CFAP74: variants seen among roughly 807,000 people sequenced by gnomAD.
CFAP74 encodes the protein cilia and flagella associated protein 74.
In CFAP74, 124 loss-of-function variants were observed where a neutral mutation model predicts 188.9. That is an observed-to-expected ratio of 0.66 (90% confidence interval 0.57 to 0.76). CFAP74 has a LOEUF of 0.76. CFAP74 is among the 30% of genes least tolerant of loss of function. The pLI is 0.00. For synonymous variants in CFAP74, 956 were observed against 916.7 expected, an observed-to-expected ratio of 1.04 and a Z score of -0.77; for missense variants, 2,198 against 2,165.2, an observed-to-expected ratio of 1.02 and a Z score of -0.30.
In CFAP74 at chr1:1,925,984, C is replaced by G. The variant is rs1016640595; in HGVS notation, c.3949-46G>C. On this transcript the variant is annotated intron_variant, in intron 32 of 38. Transcript: ENST00000682832. ...AGCCAGGAACCGATGTCTGCTGGAG[C>G]CACGAGGGGAGCTCTGCCTCAGGGG... The G allele has an allele frequency of 3.3e-6, 5 of 1,528,180 alleles. No individual in the cohort carries two copies. In the East Asian group the frequency reaches 1.2e-4, roughly 37 times the overall value. The allele number at this position is 1,528,180 out of a possible 1,614,324, so 94.7% of individuals were successfully genotyped here.
rs1370135949 is a variant in CFAP74, at chr1:1,923,675, GTA to G, written c.4389+98_4389+99del. The G allele has an allele frequency of 6.8e-5, 106 of 1,569,100 alleles. No individual in the cohort carries two copies. Among genetic ancestry groups the G allele is most frequent in the Non-Finnish European group, 8.7e-5 (100 of 1,144,416 alleles). The stretch of plus-strand genomic sequence containing the variant: ...TGTGGTGCTGAGTCCCCCAGCCATG[GTA>G]CCCTCAGGGCCTCCAAAGTGGAGCA... On this transcript the variant is annotated intron_variant, in intron 35 of 38. Coordinates refer to ENST00000682832, the MANE Select transcript of CFAP74 (RefSeq NM_001304360.2). The surrounding 1 kb of genome is among the most constrained non-coding windows in gnomAD (Gnocchi z 6.3).
At chr1:1,925,673 C>A in intron 33 of CFAP74, 110 bp downstream of exon 33, 1 of 1,249,194 alleles carries the variant, frequency 8.0e-7, no homozygotes, top group Non-Finnish European at 1.1e-6. Flanking sequence ...ACCTGTGTCC[C>A]CACGGGCTCT....
At chr1:1,945,915 T>G (rs1343098501) in intron 20 of CFAP74, among the ~76,000 whole-genome samples, 1 of 138,472 alleles carries the variant, frequency 7.2e-6, no homozygotes, top group Non-Finnish European at 1.5e-5. Context: ...TGCATGTGTG[T>G]GAGGACTCTG....
At chr1:1,982,175 C>T (rs4648743) in intron 6 of CFAP74, among the ~76,000 whole-genome samples, 5 of 135,910 alleles carry the variant, frequency 3.7e-5, no homozygotes, top group Admixed American at 1.5e-4. Context: ...CACCCAGCCA[C>T]GGACAGACAC....
chr1:1,964,646 C>T (rs1281936948), intron 13 of CFAP74, among the ~76,000 whole-genome samples: 2 of 152,190 alleles, frequency 1.3e-5, no homozygotes, highest in African/African-American at 2.4e-5. Flanking sequence ...AAAAATTAGC[C>T]AGGCGTGGTG....
At chr1:1,935,867 T>TACACACACACACACAC (rs35582265) in intron 25 of CFAP74, among the ~76,000 whole-genome samples, 86 of 147,880 alleles carry the variant, frequency 5.8e-4, no homozygotes, top group African/African-American at 2.0e-3. Flanking sequence ...TTTTCAGCAC[T>TACACACACACACACAC]ACACACACAC....
At chr1:1,962,721 C>CA (rs751211513) in intron 14 of CFAP74, among the ~76,000 whole-genome samples, 85 of 152,034 alleles carry the variant, frequency 5.6e-4, no homozygotes, top group Admixed American at 7.9e-4. Flanking sequence ...CCTGTCTCTA[C>CA]AAAAAATAGA....
At position 1,946,364 on chromosome 1, in the gene CFAP74, C is replaced by T. The variant is rs1028169859; in HGVS notation, c.2317G>A (p.Val773Ile). 14 of 1,536,894 alleles carry T rather than the reference C, an allele frequency of 9.1e-6. No individual in the cohort carries two copies. The highest frequency in any genetic ancestry group is 3.3e-4 in the Middle Eastern group (2 of 5,988). Residue 773 changes from valine to isoleucine, a missense_variant, in exon 20 of 39, where the codon GTC becomes ATC. Coordinates refer to ENST00000682832, the MANE Select transcript of CFAP74 (RefSeq NM_001304360.2). ...IVFTPVVPGD[V>I]QARFKVTFKN... ...AACGTGACTTTGAACCTGGCTTGGA[C>T]GTCGCCTGGGACGACCGGAGTGAAG...
In CFAP74 at chr1:1,923,727, G is replaced by A. The variant is rs368901542; in HGVS notation, c.4389+48C>T. On this transcript the variant is annotated intron_variant, in intron 35 of 38. Transcript: ENST00000682832. The surrounding 1 kb of genome is among the most constrained non-coding windows in gnomAD (Gnocchi z 6.3). ...AGTGCAGCCAAAGGCAAGGCCCTGC[G>A]TGGGGCCAGGGCCGGGCCGGGCTGA... 9.2e-5 allele frequency: 148 copies of A among 1,610,928 alleles called. No homozygotes were observed. The highest frequency in any genetic ancestry group is 2.0e-4 in the East Asian group (9 of 44,874).
At chr1:1,955,968 G>T in intron 17 of CFAP74, 118 bp from the exon 18 acceptor site, 1 of 1,449,650 alleles carries the variant, frequency 6.9e-7, no homozygotes, top group East Asian at 2.5e-5. Context: ...CTCCAGCGTG[G>T]CCCCTCAGCT....
intron 18 of CFAP74, among the ~76,000 whole-genome samples, chr1:1,952,833 C>A (rs554659609): frequency 1.0e-3 from 157 of 150,066 alleles, no homozygotes; most frequent in African/African-American, 3.6e-3. Flanking sequence ...TAAAAAAAAA[C>A]TTTTAGTAGA....
intron 18 of CFAP74, among the ~76,000 whole-genome samples, chr1:1,947,806 T>A (rs537811790): frequency 1.3e-5 from 2 of 152,254 alleles, no homozygotes; most frequent in African/African-American, 4.8e-5. Flanking sequence ...AGGAGCCAGG[T>A]GGCGACTTTG....
chr1:1,930,407 C>A, intron 25 of CFAP74, 71 bp from the exon 26 acceptor site: 1 of 1,423,022 alleles, frequency 7.0e-7, no homozygotes. Flanking sequence ...GGCGCGGGGG[C>A]CACTGGGTGG....
intron 16 of CFAP74, among the ~76,000 whole-genome samples, chr1:1,957,689 C>G (rs893895380): frequency 1.3e-5 from 2 of 152,136 alleles, no homozygotes; most frequent in Non-Finnish European, 2.9e-5. Context: ...GATGCTGATC[C>G]GGAGTGGAGC....
intron 5 of CFAP74, 39 bp from the exon 6 acceptor site, chr1:1,985,529 C>G (rs367580213): frequency 1.3e-6 from 2 of 1,538,272 alleles, no homozygotes; most frequent in African/African-American, 2.7e-5. Flanking sequence ...TGTGTCAGGC[C>G]TCAGTCATCC....
At chr1:2,002,510 G>A (rs1458958844) in intron 1 of CFAP74, among the ~76,000 whole-genome samples, 2 of 151,048 alleles carry the variant, frequency 1.3e-5, no homozygotes, top group Admixed American at 6.6e-5. Context: ...CGGAAACCCC[G>A]TCTATACTAA....
In CFAP74 at chr1:1,994,374, G is replaced by A. The variant is rs551879534; in HGVS notation, c.-19-3399C>T. ...TGTTTCATTGCTTAACTTAGCAATC[G>A]CTTCAGAATAATTCACTAAAAATAT... is the stretch of plus-strand genomic sequence containing the variant. On this transcript the variant is annotated intron_variant, in intron 1 of 38. Coordinates refer to ENST00000682832, the MANE Select transcript of CFAP74 (RefSeq NM_001304360.2). Among the ~76,000 whole-genome samples the A allele has an allele frequency of 1.3e-4, 20 of 152,222 alleles. No homozygotes were observed. In the East Asian group the frequency reaches 1.5e-3, roughly 12 times the overall value.
At chr1:1,953,754 C>T (rs1654349418) in intron 18 of CFAP74, 1 of 153,592 alleles carries the variant, frequency 6.5e-6, no homozygotes, top group Non-Finnish European at 1.5e-5. Context: ...TACACCTCAA[C>T]ACAAAAGCGA....
In CFAP74 at chr1:1,968,655, G is replaced by A; in HGVS notation, c.1225C>T (p.Pro409Ser). ...ISDFCKKTTV[P>S]TNTYTLDYEA... ...CTCACCAGTGTGTACGTGTTGGTTG[G>A]GACTGTGGTCTTCTTGCAAAAGTCA... Residue 409 changes from proline to serine, a missense_variant, in exon 11 of 39, where the codon CCA becomes TCA. Coordinates refer to ENST00000682832, the MANE Select transcript of CFAP74 (RefSeq NM_001304360.2). This position sits in a 1 kb window ranked among gnomAD's most constrained non-coding sequence, Gnocchi z 4.3. 1 of 1,606,082 alleles carries A rather than the reference G, an allele frequency of 6.2e-7. No homozygotes were observed. Among genetic ancestry groups the A allele is most frequent in the Non-Finnish European group, 8.5e-7 (1 of 1,175,972 alleles).
Sources: gnomAD v4.1 joint callset for allele counts (sites outside exome capture counted in the v4.1 genomes callset) on GRCh38, gnomAD v4.1.1 for gene constraint, Gnocchi (gnomAD v3.1) non-coding constraint, MANE v1.5 for transcripts, NCBI Gene and HGNC (gene_info 2026-07-23, HGNC 2026-07-21) for gene names.